KLHL1: variants seen among roughly 807,000 people sequenced by gnomAD.
The protein encoded by KLHL1 is kelch like family member 1, also known as kelch-like protein 1.
In KLHL1, 47 loss-of-function variants were observed where a neutral mutation model predicts 77.7. The ratio of observed to expected loss-of-function variants is 0.60; its 90% CI spans 0.48 to 0.77. The LOEUF is 0.77. Among genes scored for constraint, KLHL1 ranks in the 30% least tolerant of loss-of-function variants. The pLI is 0.00. For synonymous variants in KLHL1, 360 were observed against 325.2 expected, an observed-to-expected ratio of 1.11 and a Z score of -1.15; for missense variants, 925 against 910.8, an observed-to-expected ratio of 1.02 and a Z score of -0.20.
chr13:69,719,215 A>T (rs113070289), intron 9 of KLHL1, among the ~76,000 whole-genome samples, 154 bp downstream of exon 9: 18,267 of 93,130 alleles, frequency 0.2, 1,653 homozygotes, highest in African/African-American at 0.32. Flanking sequence ...TGTGTGAGAG[A>T]GAGAGAGAGA....
intron 6 of KLHL1, among the ~76,000 whole-genome samples, chr13:69,835,853 CATAA>C (rs1000158240): frequency 1.3e-5 from 2 of 151,736 alleles, no homozygotes; most frequent in Non-Finnish European, 2.9e-5. Flanking sequence ...CATTAAAATT[CATAA>C]ATAAATATAT....
At position 70,008,977 on chromosome 13, in the gene KLHL1, A is replaced by T. The variant is rs562113973; in HGVS notation, c.498-33175T>A. The stretch of plus-strand genomic sequence containing the variant: ...TTTTATATTTGTCATTAAATTTGTC[A>T]TTAATGTTCATGCTTATATGATGCT... On this transcript the variant is annotated intron_variant, in intron 1 of 10. Transcript: ENST00000377844. Among the ~76,000 whole-genome samples the T allele has an allele frequency of 2.0e-4, 30 of 152,242 alleles. No individual in the cohort carries two copies. In the East Asian group the frequency reaches 2.3e-3, roughly 12 times the overall value.
chr13:70,009,032 T>C (rs1885470148), intron 1 of KLHL1, among the ~76,000 whole-genome samples: 1 of 152,170 alleles, frequency 6.6e-6, no homozygotes, highest in Non-Finnish European at 1.5e-5. Context: ...GATTATAACA[T>C]TCACTACTTT....
chr13:70,067,530 C>T (rs1419536670), intron 1 of KLHL1, among the ~76,000 whole-genome samples: 1 of 152,050 alleles, frequency 6.6e-6, no homozygotes, highest in Non-Finnish European at 1.5e-5. Context: ...ATCTCAGGCC[C>T]AGGCTGTGGT....
intron 1 of KLHL1, among the ~76,000 whole-genome samples, chr13:70,012,008 G>A (rs1885544997): frequency 6.6e-6 from 1 of 152,012 alleles, no homozygotes; most frequent in African/African-American, 2.4e-5. Flanking sequence ...TAATAAGCAG[G>A]GGAACTCCTC....
chr13:70,033,544 GATCCACC>G (rs1424518386), intron 1 of KLHL1, among the ~76,000 whole-genome samples: 2 of 146,712 alleles, frequency 1.4e-5, no homozygotes, highest in Non-Finnish European at 3.0e-5. Flanking sequence ...CCGACCTCGT[GATCCACC>G]CGCCTTGGCC....
rs949902029 is a variant in KLHL1, at chr13:69,769,134, T to C, written c.1639+27604A>G. Reference sequence around the variant, plus strand: ...CCAGGAGTACAGAGGAAAGAATCACTGTCATTGCACAGGGTTGTAAGTCAA... The same window carrying C: ...CCAGGAGTACAGAGGAAAGAATCACCGTCATTGCACAGGGTTGTAAGTCAA... On this transcript the variant is annotated intron_variant, in intron 7 of 10. Coordinates refer to ENST00000377844, the MANE Select transcript of KLHL1 (RefSeq NM_020866.3). Among the ~76,000 whole-genome samples the C allele has an allele frequency of 3.9e-5, 6 of 152,226 alleles. No homozygotes were observed. The South Asian group carries it at 1.0e-3, about 26-fold the overall frequency.
At chr13:69,773,079 C>A (rs1875653278) in intron 7 of KLHL1, among the ~76,000 whole-genome samples, 2 of 151,882 alleles carry the variant, frequency 1.3e-5, no homozygotes, top group Admixed American at 1.3e-4. Context: ...AAAATAAAAC[C>A]CTAAGGTTTG....
chr13:70,009,557 T>C (rs923715275), intron 1 of KLHL1, among the ~76,000 whole-genome samples: 4 of 152,150 alleles, frequency 2.6e-5, no homozygotes, highest in African/African-American at 9.7e-5. Flanking sequence ...CTTCCAGCGA[T>C]GCGACTATAG....
At chr13:69,706,875 A>G (rs1875650198) in intron 10 of KLHL1, among the ~76,000 whole-genome samples, 1 of 140,894 alleles carries the variant, frequency 7.1e-6, no homozygotes, top group African/African-American at 2.9e-5. Flanking sequence ...TCATCTTCCC[A>G]TCACACACAC....
At chr13:69,806,042 T>C (rs1877602604) in intron 6 of KLHL1, among the ~76,000 whole-genome samples, 1 of 152,142 alleles carries the variant, frequency 6.6e-6, no homozygotes, top group South Asian at 2.1e-4. Context: ...TTAATGAATC[T>C]GAAAGAAAGC....
chr13:69,809,856 A>G (rs1374580665), intron 6 of KLHL1, among the ~76,000 whole-genome samples: 1 of 152,034 alleles, frequency 6.6e-6, no homozygotes, highest in Non-Finnish European at 1.5e-5. Flanking sequence ...GAGATAAAGA[A>G]AGGTGTACTA....
chr13:69,877,297 A>T (rs942235086), intron 5 of KLHL1, among the ~76,000 whole-genome samples: 1 of 152,160 alleles, frequency 6.6e-6, no homozygotes, highest in Non-Finnish European at 1.5e-5. Context: ...TTAAGTACAT[A>T]CTACAAAGAA....
rs150939411 is a variant in KLHL1 at position 69,724,694 on chromosome 13, A to T, written c.1803-5113T>A. On this transcript the variant is annotated intron_variant, in intron 8 of 10. Transcript: ENST00000377844. ...GGATGCAAGGATAGTTCAACAAAAA[A>T]TCTTGATTAAAGCCATACATACACC... Among the ~76,000 whole-genome samples the T allele has an allele frequency of 3.4e-3, 512 of 152,228 alleles. 4 individuals are homozygous for T. The highest frequency in any genetic ancestry group is 4.9e-3 in the Admixed American group (75 of 15,274).
intron 1 of KLHL1, among the ~76,000 whole-genome samples, chr13:70,027,983 T>A (rs1285214162): frequency 6.6e-6 from 1 of 152,106 alleles, no homozygotes; most frequent in Non-Finnish European, 1.5e-5. Context: ...TTTATACCCA[T>A]GATTGAAGAA....
rs1001274900 is a variant in KLHL1, at chr13:69,823,102, T to C, written c.1414+15874A>G. Among the ~76,000 whole-genome samples, 4 of 152,162 alleles carry C rather than the reference T, an allele frequency of 2.6e-5. No homozygotes were observed. The East Asian group carries it at 7.7e-4, about 29-fold the overall frequency. ...GGATAGAGGTTTAAGTGTGAAAGAA[T>C]TGCCACAGATGAATAACATATGTCA... On this transcript the variant is annotated intron_variant, in intron 6 of 10. Coordinates refer to ENST00000377844, the MANE Select transcript of KLHL1 (RefSeq NM_020866.3).
intron 1 of KLHL1, among the ~76,000 whole-genome samples, chr13:69,977,036 T>A (rs908020114): frequency 1.3e-5 from 2 of 152,036 alleles, no homozygotes; most frequent in African/African-American, 4.8e-5. Context: ...TCAGTGAAAA[T>A]CTCTGATTTC....
intron 5 of KLHL1, among the ~76,000 whole-genome samples, chr13:69,843,138 G>T (rs1879331718): frequency 6.6e-6 from 1 of 151,522 alleles, no homozygotes; most frequent in South Asian, 2.1e-4. Flanking sequence ...GCAGAGTAGG[G>T]TGACTATACC....
At chr13:69,942,573 T>A (rs2482572) in intron 3 of KLHL1, among the ~76,000 whole-genome samples, 95,436 of 151,826 alleles carry the variant, frequency 0.63, 30,063 homozygotes, top group African/African-American at 0.66. Flanking sequence ...TTCCATATCA[T>A]ATTTTGTTTT....
Sources: allele counts gnomAD v4.1 joint callset (sites outside exome capture counted in the v4.1 genomes callset), GRCh38; gene constraint gnomAD v4.1.1; transcripts MANE v1.5; gene names NCBI Gene and HGNC (gene_info 2026-07-23, HGNC 2026-07-21).